Variants in DPF1 observed in about 807,000 individuals in gnomAD.
DPF1 encodes zinc finger protein neuro-d4.
Under a neutral mutation model 58.7 loss-of-function variants are expected in DPF1, and 14 were observed. The ratio of observed to expected loss-of-function variants is 0.24; its 90% CI spans 0.16 to 0.37. The LOEUF (loss-of-function observed/expected upper bound fraction) is 0.37. DPF1 is among the 10% of genes least tolerant of loss of function. The pLI, the probability that DPF1 is intolerant of heterozygous loss-of-function variation, is 1.00. For missense variants in DPF1, 345 were observed against 529.9 expected (o/e 0.65, Z 3.43); for synonymous variants, 216 against 216.0 (o/e 1.00, Z 0.00).
intron 10 of DPF1, among the ~76,000 whole-genome samples, chr19:38,212,771 C>T (rs1441516649): frequency 4.2e-5 from 6 of 143,490 alleles, no homozygotes; most frequent in African/African-American, 1.3e-4. Context: ...CCACCATGCA[C>T]GACTTTTTTT....
In DPF1 at chr19:38,222,969, A is replaced by T; in HGVS notation, c.30-261T>A. 1 of 491,184 alleles carries T rather than the reference A, an allele frequency of 2.0e-6. No homozygotes were observed. The highest frequency in any genetic ancestry group is 3.6e-6 in the Non-Finnish European group (1 of 280,364). 30.4% of individuals were successfully genotyped at this position (491,184 alleles called of 1,614,324 possible). ...CAGAAACAAACAAAAACACACCGGGACGTATCCCTACCTGAACACATGCAG... is the reference window on the plus strand; with the variant it reads ...CAGAAACAAACAAAAACACACCGGGTCGTATCCCTACCTGAACACATGCAG... On this transcript the variant is annotated intron_variant, in intron 1 of 11. Transcript: ENST00000355526. This position sits in a 1 kb window ranked among gnomAD's most constrained non-coding sequence, Gnocchi z 4.9.
upstream of DPF1, among the ~76,000 whole-genome samples, chr19:38,225,719 T>C (rs1160784813): frequency 6.6e-6 from 1 of 151,232 alleles, no homozygotes; most frequent in Non-Finnish European, 1.5e-5. Flanking sequence ...CGAGACCTGG[T>C]CTCTACTAAA....
chr19:38,218,912 C>A lies in DPF1; in HGVS notation c.426+19G>T. 6.2e-7 allele frequency: 1 copy of A among 1,613,206 alleles called. No individual in the cohort carries two copies. Among genetic ancestry groups the A allele is most frequent in the Non-Finnish European group, 8.5e-7 (1 of 1,179,698 alleles). On this transcript the variant is annotated intron_variant, in intron 4 of 11. Coordinates refer to ENST00000355526, the MANE Select transcript of DPF1 (RefSeq NM_001135155.3). The stretch of plus-strand genomic sequence containing the variant: ...TGAGACGAAGCCATGCAGCGGGGGT[C>A]CCCCAGAGGTGGGCCCACCTGACAG...
intron 9 of DPF1, 84 bp from the exon 10 acceptor site, chr19:38,213,840 C>T (rs1373321298): frequency 8.4e-7 from 1 of 1,188,490 alleles, no homozygotes; most frequent in African/African-American, 1.5e-5. Flanking sequence ...ATAGCTCAGC[C>T]CCTACCCCTG....
At position 38,221,033 on chromosome 19, in the gene DPF1, C is replaced by A. The variant is rs575115586; in HGVS notation, c.298+1324G>T. Among the ~76,000 whole-genome samples the A allele has an allele frequency of 2.8e-4, 43 of 152,294 alleles. 1 individual carries two copies. Among genetic ancestry groups the A allele is most frequent in the African/African-American group, 1.0e-3 (42 of 41,558 alleles). Reference sequence around the variant, plus strand: ...GCACCCACACACCCACAGAAAGAGACGGCCGCACCGCCTAACACACCCAGA... The same window carrying A: ...GCACCCACACACCCACAGAAAGAGAAGGCCGCACCGCCTAACACACCCAGA... On this transcript the variant is annotated intron_variant, in intron 3 of 11. Transcript: ENST00000355526.
rs1338896017 is a variant in DPF1, at chr19:38,217,465, T to C, written c.722A>G (p.His241Arg). The change falls in exon 7 of 12, where the codon CAT becomes CGT. Residue 241 changes from histidine (H) to arginine (R), a missense_variant. Coordinates refer to ENST00000355526, the MANE Select transcript of DPF1 (RefSeq NM_001135155.3). ...HALPFHRKNN[H>R]KQFYKELAWV... ...CACCTGGCCTGCCAGCTCACGTTTA[T>C]GGTTGTTTTTCCGGTGGAAGGGCAG... 6.7e-7 allele frequency: 1 copy of C among 1,483,064 alleles called. No individual in the cohort carries two copies. Among genetic ancestry groups the C allele is most frequent in the South Asian group, 1.2e-5 (1 of 83,044 alleles). 91.9% of individuals were successfully genotyped at this position (1,483,064 alleles called of 1,614,324 possible).
chr19:38,225,621 G>A (rs1191277310), upstream of DPF1, among the ~76,000 whole-genome samples: 5 of 151,842 alleles, frequency 3.3e-5, no homozygotes, highest in African/African-American at 9.7e-5. Context: ...TAAGCAGGGC[G>A]CCGTGACTCA....
At chr19:38,226,109 C>A (rs1967806235), upstream of DPF1, among the ~76,000 whole-genome samples, 1 of 151,950 alleles carries the variant, frequency 6.6e-6, no homozygotes, top group Non-Finnish European at 1.5e-5. Flanking sequence ...ACGGCCCTCC[C>A]CAAGTAGTCC....
intron 3 of DPF1, chr19:38,219,478 A>T (rs1010721724): frequency 6.2e-6 from 1 of 160,196 alleles, no homozygotes; most frequent in South Asian, 1.9e-4. Context: ...AGGCCCAGCC[A>T]TGCTGTCTTT....
chr19:38,229,523 GTCT>G lies in DPF1; in HGVS notation c.-132+33_-132+35del. ...CGGGGGAAGGGCTCCTGGTGGGGGG[GTCT>G]GGACAGGGGGCGGGGACGGCAGGGA... is the stretch of plus-strand genomic sequence containing the variant. On this transcript the variant is annotated intron_variant, in intron 1 of 11. Transcript: ENST00000412732. This position sits in a 1 kb window ranked among gnomAD's most constrained non-coding sequence, Gnocchi z 5.3. The G allele has an allele frequency of 9.4e-7, 1 of 1,060,318 alleles. No homozygotes were observed. Among genetic ancestry groups the G allele is most frequent in the Non-Finnish European group, 1.2e-6 (1 of 866,310 alleles). The allele number at this position is 1,060,318 out of a possible 1,614,324, so 65.7% of individuals were successfully genotyped here. A position where few individuals can be genotyped will look rare whatever the true frequency, so the allele number is the denominator to read the frequency against.
At chr19:38,212,772 G>A (rs1973548290) in intron 10 of DPF1, among the ~76,000 whole-genome samples, 1 of 137,220 alleles carries the variant, frequency 7.3e-6, no homozygotes, top group East Asian at 2.1e-4. Flanking sequence ...CACCATGCAC[G>A]ACTTTTTTTT....
intron 7 of DPF1, 37 bp downstream of exon 7, chr19:38,217,423 G>C (rs1600252582): frequency 1.3e-6 from 1 of 741,168 alleles, no homozygotes; most frequent in Non-Finnish European, 1.7e-6. Context: ...CCCACTCCCA[G>C]GGCCCCTGGC....
At position 38,223,047 on chromosome 19, in the gene DPF1, C is replaced by T. The variant is rs75895508; in HGVS notation, c.30-339G>A. 6.6e-3 allele frequency: 2,148 copies of T among 323,022 alleles called. 40 individuals are homozygous for T. Among genetic ancestry groups the T allele is most frequent in the African/African-American group, 0.043 (1,976 of 46,184 alleles). 20.0% of individuals were successfully genotyped at this position (323,022 alleles called of 1,614,324 possible). On this transcript the variant is annotated intron_variant, in intron 1 of 11. Transcript: ENST00000355526. Reference sequence around the variant, plus strand: ...CACGGGATTCACACACAAAGAGAGACAAATCCCAATACTCACAAAGGAGAA... The same window carrying T: ...CACGGGATTCACACACAAAGAGAGATAAATCCCAATACTCACAAAGGAGAA...
Position 38,211,116 on chromosome 19 carries a change from G to T in DPF1, c.*947C>A. The stretch of plus-strand genomic sequence containing the variant: ...AAGTGAGGGGGCACTCCTGGATTAG[G>T]GGACATCCCCCCAAAACCCACCACC... On this transcript the variant is annotated 3_prime_UTR_variant, in exon 12 of 12. Transcript: ENST00000355526. The surrounding 1 kb of genome is among the most constrained non-coding windows in gnomAD (Gnocchi z 4.0). 1 of 152,898 alleles carries T rather than the reference G, an allele frequency of 6.5e-6. No homozygotes were observed. The highest frequency in any genetic ancestry group is 1.5e-5 in the Non-Finnish European group (1 of 68,482). 9.5% of individuals were successfully genotyped at this position (152,898 alleles called of 1,614,324 possible).
Position 38,212,079 on chromosome 19 carries a change from T to C in DPF1, c.1148A>G (p.Tyr383Cys), listed in dbSNP as rs1973470892. 2 of 1,612,144 alleles carry C rather than the reference T, an allele frequency of 1.2e-6. No homozygotes were observed. The highest frequency in any genetic ancestry group is 1.1e-5 in the South Asian group (1 of 90,596). The stretch of plus-strand genomic sequence containing the variant: ...CGAGCCGGCCTAGGTGAGGGTGATG[T>C]AAGCAGAAGCCTTTTCCTTCAGGTG... ...LRHLKEKASAYITLT is the reference protein window; with the variant it reads ...LRHLKEKASACITLT The change falls in exon 12 of 12, where the codon TAC becomes TGC. Residue 383 changes from tyrosine (Y) to cysteine (C), a missense_variant. Coordinates refer to ENST00000355526, the MANE Select transcript of DPF1 (RefSeq NM_001135155.3).
Position 38,221,656 on chromosome 19 carries a change from A to G in DPF1, c.298+701T>C, listed in dbSNP as rs191811705. Among the ~76,000 whole-genome samples, 100 of 151,850 alleles carry G rather than the reference A, an allele frequency of 6.6e-4. 1 individual carries two copies. Among genetic ancestry groups the G allele is most frequent in the African/African-American group, 2.0e-3 (82 of 41,390 alleles). The stretch of plus-strand genomic sequence containing the variant: ...AGATATCACTATGCCCTCCAATACC[A>G]CTGGGACCCTTGGTGGGGCATGGTG... On this transcript the variant is annotated intron_variant, in intron 3 of 11. Coordinates refer to ENST00000355526, the MANE Select transcript of DPF1 (RefSeq NM_001135155.3).
Position 38,214,004 on chromosome 19 carries a change from G to A in DPF1, c.899-248C>T, listed in dbSNP as rs969238325. The stretch of plus-strand genomic sequence containing the variant: ...TGCTCCCCAGAACGCCATGGCAACC[G>A]CATTCCATTACCCACAGTGCTGTGC... On this transcript the variant is annotated intron_variant, in intron 9 of 11. Transcript: ENST00000355526. 1.9e-5 allele frequency: 10 copies of A among 517,542 alleles called. No homozygotes were observed. The Admixed American group carries it at 2.2e-4, about 12-fold the overall frequency. 32.1% of individuals were successfully genotyped at this position (517,542 alleles called of 1,614,324 possible).
rs1347469357 is a variant in DPF1 at position 38,216,223 on chromosome 19, C to T, written c.815G>A (p.Gly272Asp). ...KAPDGTVIPN[G>D]YCDFCLGGSK... is the part of the protein sequence containing the mutation. ...GCCCCCCAGGCAGAAGTCACAGTAG[C>T]CGTTGGGGATGACAGTGCCGTCGGG... Residue 272 changes from glycine (G) to aspartate (D), a missense_variant, in exon 9 of 12, where the codon GGC (glycine) becomes GAC (aspartate). Coordinates refer to ENST00000355526, the MANE Select transcript of DPF1 (RefSeq NM_001135155.3). The T allele has an allele frequency of 6.2e-7, 1 of 1,614,198 alleles. No homozygotes were observed. Among genetic ancestry groups the T allele is most frequent in the Non-Finnish European group, 8.5e-7 (1 of 1,180,028 alleles).
At chr19:38,216,477 A>G in intron 7 of DPF1, 74 bp from the exon 8 acceptor site, 1 of 1,484,022 alleles carries the variant, frequency 6.7e-7, no homozygotes, top group Middle Eastern at 2.0e-4. Flanking sequence ...CTCAGCCCCA[A>G]GGATGGACCT....
Sources: gnomAD v4.1 joint callset for allele counts (sites outside exome capture counted in the v4.1 genomes callset) on GRCh38, gnomAD v4.1.1 for gene constraint, Gnocchi (gnomAD v3.1) non-coding constraint, MANE v1.5 for transcripts, NCBI Gene and HGNC (gene_info 2026-07-23, HGNC 2026-07-21) for gene names.